DCC: variants seen among roughly 807,000 people sequenced by gnomAD.
DCC encodes netrin receptor DCC.
A neutral mutation model predicts 172.5 loss-of-function variants in DCC; 58 were observed. The observed-to-expected ratio is 0.34, with a 90% CI of 0.27 to 0.42. The LOEUF (loss-of-function observed/expected upper bound fraction) is 0.42. Among genes scored for constraint, DCC ranks in the 10% least tolerant of loss-of-function variants. DCC has a pLI of 1.00. For synonymous variants in DCC, 709 were observed against 644.5 expected, an observed-to-expected ratio of 1.10 and a Z score of -1.52; for missense variants, 1,740 against 1,791.0, an observed-to-expected ratio of 0.97 and a Z score of 0.51.
At chr18:52,718,987 T>G (rs191271156) in intron 1 of DCC, among the ~76,000 whole-genome samples, 1 of 152,170 alleles carries the variant, frequency 6.6e-6, no homozygotes, top group Admixed American at 6.5e-5. Flanking sequence ...AGCAGGTCCA[T>G]TTTCCCTCTG....
At chr18:52,393,286 T>C (rs72916986) in intron 1 of DCC, among the ~76,000 whole-genome samples, 13,906 of 152,100 alleles carry the variant, frequency 0.091, 834 homozygotes, top group South Asian at 0.16. Flanking sequence ...TCATGGAATG[T>C]AGAGGGGACG....
chr18:52,517,189 AGAGTT>A (rs1439219019), intron 1 of DCC, among the ~76,000 whole-genome samples: 1 of 152,234 alleles, frequency 6.6e-6, no homozygotes. Flanking sequence ...AAACATTAAT[AGAGTT>A]AAGTGTCTTT....
At chr18:52,879,463 G>T (rs1243767806) in intron 2 of DCC, among the ~76,000 whole-genome samples, 12 of 92,550 alleles carry the variant, frequency 1.3e-4, no homozygotes, top group Non-Finnish European at 2.5e-4. Flanking sequence ...TCACTCTGCC[G>T]CCCAGGCTGG....
chr18:52,453,853 T>C (rs947682509), intron 1 of DCC, among the ~76,000 whole-genome samples: 107 of 152,266 alleles, frequency 7.0e-4, no homozygotes, highest in African/African-American at 2.2e-3. Flanking sequence ...CCCCAGAATA[T>C]GTACAGATTA....
chr18:53,382,073 C>CACACACACAG (rs1481523417), intron 15 of DCC, among the ~76,000 whole-genome samples: 1 of 105,456 alleles, frequency 9.5e-6, no homozygotes, highest in Non-Finnish European at 2.4e-5. Flanking sequence ...AAAAACAACA[C>CACACACACAG]ACACACACAC....
intron 12 of DCC, among the ~76,000 whole-genome samples, chr18:53,235,926 G>C (rs1429935822): frequency 6.6e-6 from 1 of 151,972 alleles, no homozygotes; most frequent in Non-Finnish European, 1.5e-5. Flanking sequence ...ATCCATGCAT[G>C]GTATTTAATA....
chr18:52,780,981 A>C (rs9950448), intron 2 of DCC, among the ~76,000 whole-genome samples: 8,027 of 152,226 alleles, frequency 0.053, 285 homozygotes, highest in South Asian at 0.16. Context: ...TTCTACACAA[A>C]AGACAGATTA....
intron 1 of DCC, among the ~76,000 whole-genome samples, chr18:52,465,550 T>C (rs960141552): frequency 6.6e-6 from 1 of 152,144 alleles, no homozygotes; most frequent in Non-Finnish European, 1.5e-5. Context: ...CTCAGGGACT[T>C]GGACTTGGGC....
intron 20 of DCC, among the ~76,000 whole-genome samples, chr18:53,410,919 A>G (rs1289784744): frequency 1.3e-5 from 2 of 152,168 alleles, no homozygotes; most frequent in African/African-American, 2.4e-5. Flanking sequence ...GTTCTATTCA[A>G]AATATAATGA....
intron 2 of DCC, among the ~76,000 whole-genome samples, chr18:52,905,664 G>A (rs929541860): frequency 7.2e-5 from 11 of 152,250 alleles, no homozygotes; most frequent in African/African-American, 1.9e-4. Flanking sequence ...ACCAGGATTC[G>A]GAAGAACAAG....
intron 2 of DCC, among the ~76,000 whole-genome samples, chr18:52,756,605 T>C (rs527714799): frequency 2.6e-5 from 4 of 152,354 alleles, no homozygotes; most frequent in Middle Eastern, 3.4e-3. Context: ...TTTGGGAATA[T>C]TCAAGTGCCA....
At chr18:53,159,142 C>T (rs2054795637) in intron 8 of DCC, among the ~76,000 whole-genome samples, 1 of 152,130 alleles carries the variant, frequency 6.6e-6, no homozygotes. Flanking sequence ...CCTTGGATTT[C>T]AGTGTGTGCA....
intron 27 of DCC, among the ~76,000 whole-genome samples, chr18:53,525,148 GCAGATGAAAAACAGGCCAAGA>G (rs1177859192): frequency 6.6e-6 from 1 of 151,870 alleles, no homozygotes; most frequent in Non-Finnish European, 1.5e-5. Context: ...TTCCTATTTT[GCAGATGAAAAACAGGCCAAGA>G]CAGGTTCAGT....
chr18:53,526,466 C>G, intron 27 of DCC, 151 bp from the exon 28 acceptor site: 1 of 827,372 alleles, frequency 1.2e-6, no homozygotes, highest in Non-Finnish European at 2.0e-6. Context: ...ATAAAACGAG[C>G]CCACTCATTG....
chr18:53,371,100 A>G (rs2058056348), intron 15 of DCC, among the ~76,000 whole-genome samples: 1 of 151,012 alleles, frequency 6.6e-6, no homozygotes, highest in Non-Finnish European at 1.5e-5. Flanking sequence ...TTATCAGTGG[A>G]TTTGGTTTAA....
chr18:52,782,469 C>A (rs1346969), intron 2 of DCC, among the ~76,000 whole-genome samples: 4,652 of 152,120 alleles, frequency 0.031, 273 homozygotes, highest in African/African-American at 0.11. Flanking sequence ...ATATATTGGA[C>A]CTACCCTAAG....
Position 53,099,943 on chromosome 18 carries a change from C to CTT in DCC, c.1261+33793_1261+33794dup, listed in dbSNP as rs533618559. On this transcript the variant is annotated intron_variant, in intron 7 of 28. Transcript: ENST00000442544. ...GACTTTTCTTTTCTTTTCTTTCTTT[C>CTT]TTTTTTTTTTTTTTTTTGTTTGAGA... is the stretch of plus-strand genomic sequence containing the variant. Among the ~76,000 whole-genome samples, 127 of 92,734 alleles carry CTT rather than the reference C, an allele frequency of 1.4e-3. 4 individuals carry two copies. Among genetic ancestry groups the CTT allele is most frequent in the African/African-American group, 4.7e-3 (94 of 20,014 alleles). The allele number at this position is 92,734 out of a possible 152,430, so 60.8% of individuals were successfully genotyped here.
At chr18:53,356,321 G>A (rs955882791) in intron 15 of DCC, among the ~76,000 whole-genome samples, 6 of 151,874 alleles carry the variant, frequency 4.0e-5, no homozygotes, top group Admixed American at 2.0e-4. Flanking sequence ...CTCATTTCCA[G>A]GTCTGTTTCT....
At chr18:53,239,072 A>G (rs959470951) in intron 12 of DCC, among the ~76,000 whole-genome samples, 5 of 151,680 alleles carry the variant, frequency 3.3e-5, no homozygotes, top group African/African-American at 1.2e-4. Context: ...GAGGGATAGC[A>G]TTAGGAGATA....
Sources: gnomAD v4.1 joint callset for allele counts (sites outside exome capture counted in the v4.1 genomes callset) on GRCh38, gnomAD v4.1.1 for gene constraint, MANE v1.5 for transcripts, NCBI Gene and HGNC (gene_info 2026-07-23, HGNC 2026-07-21) for gene names.